GRID2: variants seen among roughly 807,000 people sequenced by gnomAD.
GRID2 encodes glutamate ionotropic receptor delta type subunit 2.
In GRID2, 33 loss-of-function variants were observed where a neutral mutation model predicts 114.8. The observed-to-expected ratio is 0.29, with a 90% CI of 0.22 to 0.38. The LOEUF (loss-of-function observed/expected upper bound fraction) is 0.38, where lower values mean the gene tolerates loss of function less well. Among genes scored for constraint, GRID2 ranks in the 10% least tolerant of loss-of-function variants. GRID2 has a pLI of 1.00. For synonymous variants in GRID2, 505 were observed against 449.9 expected (o/e 1.12, Z -1.55); for missense variants, 1,184 against 1,257.7 (o/e 0.94, Z 0.89).
chr4:92,782,512 C>T (rs1260566358), intron 2 of GRID2, among the ~76,000 whole-genome samples: 1 of 152,048 alleles, frequency 6.6e-6, no homozygotes, highest in African/African-American at 2.4e-5. Context: ...ATAGGCTTAA[C>T]CAAGTCCTTT....
chr4:92,875,769 G>A (rs1745584504), intron 2 of GRID2, among the ~76,000 whole-genome samples: 1 of 152,004 alleles, frequency 6.6e-6, no homozygotes, highest in South Asian at 2.1e-4. Context: ...TGCAGTTTTA[G>A]GATAGTTAAT....
intron 2 of GRID2, among the ~76,000 whole-genome samples, chr4:92,673,963 T>C (rs1401376175): frequency 6.6e-6 from 1 of 151,948 alleles, no homozygotes; most frequent in East Asian, 1.9e-4. Context: ...ACCCTAGAAC[T>C]TAAAGTATAA....
At chr4:92,307,965 C>A (rs1579154049) in intron 1 of GRID2, among the ~76,000 whole-genome samples, 3 of 152,158 alleles carry the variant, frequency 2.0e-5, no homozygotes, top group Non-Finnish European at 2.9e-5. Context: ...TAATGATCTG[C>A]ATGCTGTAGG....
In GRID2 at chr4:93,626,354, C is replaced by G; in HGVS notation, c.2279C>G (p.Thr760Ser). Reference protein sequence around the residue: ...AINDPDCSFYTIGNTVADRGY... With the variant: ...AINDPDCSFYSIGNTVADRGY... ...AATGACCCAGATTGTTCCTTTTACA[C>G]CATTGGAAATACTGTTGCTGATCGG... Residue 760 changes from threonine to serine, a missense_variant, in exon 14 of 16, where the codon ACC becomes AGC. Around this residue, in one of 3 missense-constraint regions of GRID2, gnomAD observed 717 missense variants for 796.9 expected, o/e 0.90. Transcript: ENST00000282020. The G allele has an allele frequency of 6.2e-7, 1 of 1,603,796 alleles. No individual in the cohort carries two copies. Among genetic ancestry groups the G allele is most frequent in the Non-Finnish European group, 8.5e-7 (1 of 1,170,972 alleles).
intron 2 of GRID2, among the ~76,000 whole-genome samples, chr4:92,598,396 A>C (rs1729052258): frequency 6.6e-6 from 1 of 151,988 alleles, no homozygotes; most frequent in African/African-American, 2.4e-5. Context: ...TTGCCCTCCC[A>C]TTATAGTACT....
intron 8 of GRID2, among the ~76,000 whole-genome samples, chr4:93,285,131 ATAGGTAATACC>A (rs1284871339): frequency 1.3e-5 from 2 of 151,074 alleles, no homozygotes; most frequent in Admixed American, 1.3e-4. Context: ...TTTATATCCA[ATAGGTAATACC>A]TAGTTTTCCA....
intron 1 of GRID2, among the ~76,000 whole-genome samples, chr4:92,578,344 C>T (rs532412375): frequency 1.6e-4 from 23 of 142,048 alleles, no homozygotes; most frequent in African/African-American, 6.1e-4. Flanking sequence ...GTTCAATTCC[C>T]ACCTATGAGT....
At chr4:92,653,962 T>C (rs913159438) in intron 2 of GRID2, among the ~76,000 whole-genome samples, 3 of 152,152 alleles carry the variant, frequency 2.0e-5, no homozygotes, top group Non-Finnish European at 4.4e-5. Context: ...TTTTAAGGAA[T>C]AGTAAAATAC....
intron 14 of GRID2, among the ~76,000 whole-genome samples, chr4:93,661,774 A>C (rs1396063555): frequency 6.6e-6 from 1 of 152,172 alleles, no homozygotes; most frequent in Non-Finnish European, 1.5e-5. Flanking sequence ...TGTAGTCGGC[A>C]CAAATGGCAG....
At chr4:92,929,942 T>A (rs1197472674) in intron 2 of GRID2, among the ~76,000 whole-genome samples, 2 of 151,344 alleles carry the variant, frequency 1.3e-5, no homozygotes, top group Non-Finnish European at 3.0e-5. Flanking sequence ...AATCATAATA[T>A]CTTAGGTATG....
intron 13 of GRID2, among the ~76,000 whole-genome samples, chr4:93,518,324 G>A (rs543256326): frequency 6.8e-4 from 103 of 151,890 alleles, no homozygotes; most frequent in Middle Eastern, 3.4e-3. Context: ...GCATTAAGTC[G>A]ATGAGTTCTG....
At chr4:93,629,105 G>A (rs112231607) in intron 14 of GRID2, among the ~76,000 whole-genome samples, 29 of 152,234 alleles carry the variant, frequency 1.9e-4, no homozygotes, top group African/African-American at 5.5e-4. Flanking sequence ...ATGCATGAAC[G>A]TAATAGTAAT....
At chr4:92,685,101 C>G (rs886571807) in intron 2 of GRID2, among the ~76,000 whole-genome samples, 1 of 151,698 alleles carries the variant, frequency 6.6e-6, no homozygotes, top group African/African-American at 2.4e-5. Context: ...AAATCTTACT[C>G]GAGGCAGCTA....
intron 2 of GRID2, among the ~76,000 whole-genome samples, chr4:92,881,194 A>G (rs1296935389): frequency 6.6e-6 from 1 of 152,172 alleles, no homozygotes; most frequent in Non-Finnish European, 1.5e-5. Flanking sequence ...TGAGCCACCC[A>G]GCTCGGCCTC....
At chr4:93,533,146 C>T (rs1181953838) in intron 13 of GRID2, among the ~76,000 whole-genome samples, 1 of 151,874 alleles carries the variant, frequency 6.6e-6, no homozygotes, top group Non-Finnish European at 1.5e-5. Flanking sequence ...TTTTCTTTTT[C>T]ACTTGATAGC....
chr4:92,542,096 A>G (rs2149163834), intron 1 of GRID2, among the ~76,000 whole-genome samples: 1 of 152,268 alleles, frequency 6.6e-6, no homozygotes, highest in Non-Finnish European at 1.5e-5. Context: ...TTGAAAATGT[A>G]GTTCCCAAAT....
chr4:92,544,311 T>TA (rs1726132102), intron 1 of GRID2, among the ~76,000 whole-genome samples: 1 of 152,180 alleles, frequency 6.6e-6, no homozygotes, highest in Admixed American at 6.5e-5. Flanking sequence ...CATCATTTTA[T>TA]AAAAATCTCT....
At chr4:92,573,771 A>G (rs1457922641) in intron 1 of GRID2, among the ~76,000 whole-genome samples, 1 of 152,170 alleles carries the variant, frequency 6.6e-6, no homozygotes, top group Non-Finnish European at 1.5e-5. Context: ...TGTTCCACTG[A>G]GAAGAATGTA....
At chr4:92,410,664 G>A (rs578035410) in intron 1 of GRID2, among the ~76,000 whole-genome samples, 1 of 152,136 alleles carries the variant, frequency 6.6e-6, no homozygotes, top group East Asian at 1.9e-4. Flanking sequence ...GTGATCTTGA[G>A]CCTCTCTTAC....
Sources: allele counts gnomAD v4.1 joint callset (sites outside exome capture counted in the v4.1 genomes callset), GRCh38; gene constraint gnomAD v4.1.1; regional missense constraint gnomAD v4.1.1; transcripts MANE v1.5; gene names NCBI Gene and HGNC (gene_info 2026-07-23, HGNC 2026-07-21).